Variants in PIAS1 observed in about 807,000 individuals in gnomAD.
PIAS1 encodes E3 SUMO-protein ligase PIAS1.
A neutral mutation model predicts 71.3 loss-of-function variants in PIAS1; 6 were observed. That is an observed-to-expected ratio of 0.08 (90% confidence interval 0.05 to 0.17). The LOEUF is 0.17. PIAS1 is among the 10% of genes least tolerant of loss of function. PIAS1 has a pLI of 1.00. For missense variants in PIAS1, 555 were observed against 793.6 expected (o/e 0.70, Z 3.61); for synonymous variants, 303 against 292.9 (o/e 1.03, Z -0.35).
At chr15:68,146,785 T>A in intron 6 of PIAS1, 85 bp downstream of exon 6, 1 of 964,754 alleles carries the variant, frequency 1.0e-6, no homozygotes, top group Non-Finnish European at 1.6e-6. Flanking sequence ...ATGTAAATTA[T>A]GTAAAATGAG....
intron 2 of PIAS1, among the ~76,000 whole-genome samples, chr15:68,133,152 T>G (rs1219984716): frequency 6.6e-6 from 1 of 152,108 alleles, no homozygotes; most frequent in Non-Finnish European, 1.5e-5. Flanking sequence ...CATTCTTTCT[T>G]TGGTTTTAGG....
chr15:68,099,619 T>C (rs1396792928), intron 2 of PIAS1, among the ~76,000 whole-genome samples: 1 of 151,924 alleles, frequency 6.6e-6, no homozygotes, highest in African/African-American at 2.4e-5. Context: ...TTTCTCCAAA[T>C]ACATGCCCAG....
At chr15:68,059,001 T>G (rs980579411) in intron 1 of PIAS1, among the ~76,000 whole-genome samples, 687 of 11,472 alleles carry the variant, frequency 0.06, 6 homozygotes, top group African/African-American at 0.19. Context: ...ATTATTCTAC[T>G]TTTTTTTTTT....
At chr15:68,065,946 A>C in intron 1 of PIAS1, among the ~76,000 whole-genome samples, 1 of 23,426 alleles carries the variant, frequency 4.3e-5, no homozygotes, top group East Asian at 7.3e-4. Flanking sequence ...TTTTTTTTGG[A>C]GATAGGGTCT....
rs949294239 is a variant in PIAS1, at chr15:68,054,413, G to C, written c.24+63G>C. 87 of 1,528,124 alleles carry C rather than the reference G, an allele frequency of 5.7e-5. No homozygotes were observed. Among genetic ancestry groups the C allele is most frequent in the South Asian group, 8.4e-5 (7 of 83,432 alleles). 94.7% of individuals were successfully genotyped at this position (1,528,124 alleles called of 1,614,324 possible). A position where few individuals can be genotyped will look rare whatever the true frequency, so the allele number is the denominator to read the frequency against. On this transcript the variant is annotated intron_variant, in intron 1 of 13. Transcript: ENST00000249636. The surrounding 1 kb of genome is among the most constrained non-coding windows in gnomAD (Gnocchi z 4.6). ...GCGGAGACGGCGCCGCTGCTGCCAGGGGGGATGGGTCCGACCCTGGGGGGC... is the reference window on the plus strand; with the variant it reads ...GCGGAGACGGCGCCGCTGCTGCCAGCGGGGATGGGTCCGACCCTGGGGGGC...
intron 2 of PIAS1, among the ~76,000 whole-genome samples, chr15:68,091,136 A>G (rs924272126): frequency 8.5e-5 from 13 of 152,288 alleles, no homozygotes; most frequent in African/African-American, 2.6e-4. Context: ...TAGTGTGCCA[A>G]TATTGGTGTT....
chr15:68,094,356 A>G (rs2092356907), intron 2 of PIAS1, among the ~76,000 whole-genome samples: 1 of 151,784 alleles, frequency 6.6e-6, no homozygotes, highest in Non-Finnish European at 1.5e-5. Context: ...TGTAGAAATA[A>G]TTTATAGAAA....
rs891435710 is a variant in PIAS1, at chr15:68,156,975, T to C, written c.934+3280T>C. On this transcript the variant is annotated intron_variant, in intron 7 of 13. Transcript: ENST00000249636. ...ATAGTATACGTAAGAGATGATAATG[T>C]CTTGAACTAAGGTGATAGTGGTAGA... 1.1e-4 allele frequency among the ~76,000 whole-genome samples: 16 copies of C among 152,292 alleles called. No homozygotes were observed. In the East Asian group the frequency reaches 2.9e-3, roughly 28 times the overall value.
At chr15:68,172,265 A>G (rs1005755659) in intron 8 of PIAS1, among the ~76,000 whole-genome samples, 9 of 152,184 alleles carry the variant, frequency 5.9e-5, no homozygotes, top group African/African-American at 1.9e-4. Context: ...ATGGCTGCAT[A>G]GTATTCCATG....
Position 68,192,138 on chromosome 15 carries a change from A to ATCTT in PIAS1, c.*4305_*4308dup, listed in dbSNP as rs1352889015. On this transcript the variant is annotated 3_prime_UTR_variant, in exon 14 of 14. Transcript: ENST00000249636. ...ATCATTGGTATCTATCTCCCATCTAATCTTTGGTATTCCAGGTTGGCTGTG... is the reference window on the plus strand; with the variant it reads ...ATCATTGGTATCTATCTCCCATCTAATCTTTCTTTGGTATTCCAGGTTGGCTGTG... The ATCTT allele has an allele frequency of 6.6e-6, 1 of 152,064 alleles. No homozygotes were observed. Among genetic ancestry groups the ATCTT allele is most frequent in the South Asian group, 2.1e-4 (1 of 4,816 alleles). The allele number at this position is 152,064 out of a possible 1,614,324, so 9.4% of individuals were successfully genotyped here. A position where few individuals can be genotyped will look rare whatever the true frequency, so the allele number is the denominator to read the frequency against.
Position 68,176,475 on chromosome 15 carries a change from A to T in PIAS1, c.1302A>T (p.Gly434=). 1.3e-6 allele frequency: 2 copies of T among 1,590,680 alleles called. No individual in the cohort carries two copies. The highest frequency in any genetic ancestry group is 1.7e-6 in the Non-Finnish European group (2 of 1,170,604). The change falls in exon 11 of 14, where the codon GGA becomes GGT. Residue 434 remains glycine, a splice_region_variant and synonymous_variant. Transcript: ENST00000249636. The part of the protein sequence containing the change: ...EVSASYNGVD[G]CLSSTLEHQV... ...TGTATTTTAATCATTCCCATATAGG[A>T]TGCTTGAGCTCCACATTGGAGCATC...
chr15:68,070,572 A>T lies in PIAS1; in HGVS notation c.25-15734A>T, dbSNP rs537104426. 1.1e-4 allele frequency among the ~76,000 whole-genome samples: 17 copies of T among 152,316 alleles called. No homozygotes were observed. The East Asian group carries it at 2.1e-3, about 19-fold the overall frequency. On this transcript the variant is annotated intron_variant, in intron 1 of 13. Coordinates refer to ENST00000249636, the MANE Select transcript of PIAS1 (RefSeq NM_016166.3). ...CCTAGAAGATGGACTGTCCAGTACT[A>T]TGGCCACTAGTTCTGTGTGGGTATT...
intron 2 of PIAS1, among the ~76,000 whole-genome samples, chr15:68,113,865 A>G (rs1197783876): frequency 6.6e-6 from 1 of 152,102 alleles, no homozygotes; most frequent in Non-Finnish European, 1.5e-5. Context: ...TAGTATAGGT[A>G]ATTTCTGTAT....
rs529106497 is a variant in PIAS1 at position 68,164,856 on chromosome 15, T to G, written c.1008+52T>G. The G allele has an allele frequency of 5.0e-5, 48 of 950,800 alleles. No homozygotes were observed. The African/African-American group carries it at 7.1e-4, about 14-fold the overall frequency. 58.9% of individuals were successfully genotyped at this position (950,800 alleles called of 1,614,324 possible). Reference sequence around the variant, plus strand: ...CAGAAAGTTTAACATACATTTTCTCTTTTTATTAAGTATTTTTACTATTTG... The same window carrying G: ...CAGAAAGTTTAACATACATTTTCTCGTTTTATTAAGTATTTTTACTATTTG... On this transcript the variant is annotated intron_variant, in intron 8 of 13. Transcript: ENST00000249636.
In PIAS1 at chr15:68,124,396, GTTGTTTT is replaced by G. The variant is rs1311906695; in HGVS notation, c.470-17540_470-17534del. ...TTCTTGGGTTGTGGTTTTTTTTGTTGTTGTTTTTTGTTTTTTTTTTTTCATTCAAAGT... is the reference window on the plus strand; with the variant it reads ...TTCTTGGGTTGTGGTTTTTTTTGTTGTTGTTTTTTTTTTTTCATTCAAAGT... On this transcript the variant is annotated intron_variant, in intron 2 of 13. Coordinates refer to ENST00000249636, the MANE Select transcript of PIAS1 (RefSeq NM_016166.3). Among the ~76,000 whole-genome samples, 15 of 128,102 alleles carry G rather than the reference GTTGTTTT, an allele frequency of 1.2e-4. No individual in the cohort carries two copies. The Admixed American group carries it at 1.2e-3, about 10-fold the overall frequency. The allele number at this position is 128,102 out of a possible 152,430, so 84.0% of individuals were successfully genotyped here.
At chr15:68,135,126 C>G (rs372858357) in intron 2 of PIAS1, among the ~76,000 whole-genome samples, 1 of 18,888 alleles carries the variant, frequency 5.3e-5, no homozygotes, top group Non-Finnish European at 3.2e-4. Flanking sequence ...CCGGACGGGG[C>G]GGCTGGCCTG....
chr15:68,154,289 A>G lies in PIAS1; in HGVS notation c.934+594A>G, dbSNP rs144108488. Among the ~76,000 whole-genome samples, 36 of 152,324 alleles carry G rather than the reference A, an allele frequency of 2.4e-4. 1 individual carries two copies. In the East Asian group the frequency reaches 6.7e-3, roughly 29 times the overall value. On this transcript the variant is annotated intron_variant, in intron 7 of 13. Transcript: ENST00000249636. ...TGAATTTGAGATTCAAGGTCTTCAAATGGGGCTGTGCTGACCTCTGTTTTT... is the reference window on the plus strand; with the variant it reads ...TGAATTTGAGATTCAAGGTCTTCAAGTGGGGCTGTGCTGACCTCTGTTTTT...
chr15:68,058,788 G>A (rs1445596237), intron 1 of PIAS1, among the ~76,000 whole-genome samples: 1 of 152,076 alleles, frequency 6.6e-6, no homozygotes, highest in East Asian at 1.9e-4. Context: ...AACACTCAGA[G>A]ATATCATGGT....
chr15:68,138,873 G>A (rs1332087072), intron 2 of PIAS1, among the ~76,000 whole-genome samples: 1 of 152,110 alleles, frequency 6.6e-6, no homozygotes, highest in Non-Finnish European at 1.5e-5. Context: ...AAAATACAGT[G>A]GGAAGAGTCA....
Sources: allele counts gnomAD v4.1 joint callset (sites outside exome capture counted in the v4.1 genomes callset), GRCh38; gene constraint gnomAD v4.1.1; non-coding constraint Gnocchi (gnomAD v3.1); transcripts MANE v1.5; gene names NCBI Gene and HGNC (gene_info 2026-07-23, HGNC 2026-07-21).